ARHGEF1: variants seen among roughly 807,000 people sequenced by gnomAD.
The protein encoded by ARHGEF1 is Rho guanine nucleotide exchange factor 1.
In ARHGEF1, 40 loss-of-function variants were observed where a neutral mutation model predicts 119.7. The observed-to-expected ratio is 0.33, with a 90% CI of 0.26 to 0.44. The LOEUF is 0.44. ARHGEF1 is among the 20% of genes least tolerant of loss of function. The pLI is 1.00. For missense variants in ARHGEF1, 976 were observed against 1,268.3 expected, an observed-to-expected ratio of 0.77 and a Z score of 3.50; for synonymous variants, 494 against 521.0, an observed-to-expected ratio of 0.95 and a Z score of 0.71.
rs1328244776 is a variant in ARHGEF1, at chr19:41,904,677, C to A, written c.2162-272C>A. ...TACTACTAGGAAGTTGCACCAGGGCCACAAACACTGGAAGCGGCTGGAGGG... is the reference window on the plus strand; with the variant it reads ...TACTACTAGGAAGTTGCACCAGGGCAACAAACACTGGAAGCGGCTGGAGGG... On this transcript the variant is annotated intron_variant, in intron 22 of 28. Transcript: ENST00000354532. The surrounding 1 kb of genome is among the most constrained non-coding windows in gnomAD (Gnocchi z 8.4). Among the ~76,000 whole-genome samples, 1 of 152,094 alleles carries A rather than the reference C, an allele frequency of 6.6e-6. No individual in the cohort carries two copies. Among genetic ancestry groups the A allele is most frequent in the Non-Finnish European group, 1.5e-5 (1 of 68,016 alleles).
chr19:41,896,434 A>T lies in ARHGEF1; in HGVS notation c.1073A>T (p.Glu358Val). 3 of 1,475,196 alleles carry T rather than the reference A, an allele frequency of 2.0e-6. No individual in the cohort carries two copies. Among genetic ancestry groups the T allele is most frequent in the African/African-American group, 2.8e-5 (2 of 70,220 alleles). The allele number at this position is 1,475,196 out of a possible 1,614,324, so 91.4% of individuals were successfully genotyped here. A position where few individuals can be genotyped will look rare whatever the true frequency, so the allele number is the denominator to read the frequency against. ...DSSPQGPMSL[E>V]SLAPPESTDE... ...TCCCCGCAGGGCCCAATGAGCCTGG[A>T]GTCCTTGGCGCCCCCAGAGAGTACC... The change falls in exon 13 of 29, where the codon GAG becomes GTG. Residue 358 changes from glutamate (E) to valine (V), a missense_variant. Glu to Val is a moderately radical substitution (Grantham distance 121, BLOSUM62 -2). Around this residue, in one of 3 missense-constraint regions of ARHGEF1, gnomAD observed 519 missense variants for 580.9 expected, o/e 0.89. Coordinates refer to ENST00000354532, the MANE Select transcript of ARHGEF1 (RefSeq NM_004706.4).
downstream of ARHGEF1, chr19:41,910,151 C>T: frequency 6.6e-7 from 1 of 1,525,360 alleles, no homozygotes. This position sits in a 1 kb window ranked among gnomAD's most constrained non-coding sequence, Gnocchi z 4.4. Context: ...GTCCAGGGCT[C>T]TGGGTCCTGC....
chr19:41,906,448 C>A lies in ARHGEF1; in HGVS notation c.2492-9C>A. ...TCTCCTGACTCCACCCCTCCTTGCC[C>A]CTGGCCAGTGCTGTCCCTGAAGCAG... On this transcript the variant is annotated splice_polypyrimidine_tract_variant and intron_variant, in intron 26 of 28. Transcript: ENST00000354532. The surrounding 1 kb of genome is among the most constrained non-coding windows in gnomAD (Gnocchi z 4.5). The A allele has an allele frequency of 6.4e-7, 1 of 1,551,792 alleles. No homozygotes were observed. The highest frequency in any genetic ancestry group is 1.2e-5 in the South Asian group (1 of 81,570).
Position 41,906,491 on chromosome 19 carries a change from G to A in ARHGEF1, c.2526G>A (p.Glu842=), listed in dbSNP as rs781987216. 6.3e-7 allele frequency: 1 copy of A among 1,579,246 alleles called. No individual in the cohort carries two copies. Among genetic ancestry groups the A allele is most frequent in the Non-Finnish European group, 8.5e-7 (1 of 1,170,066 alleles). The change falls in exon 27 of 29, where the codon GAG becomes GAA. Residue 842 remains glutamate (E), a synonymous_variant. Coordinates refer to ENST00000354532, the MANE Select transcript of ARHGEF1 (RefSeq NM_004706.4). The surrounding 1 kb of genome is among the most constrained non-coding windows in gnomAD (Gnocchi z 4.5). ...TGAAGCAGCTTCTGTTTCCGGCGGA[G>A]GAAGACAATGGGGCGGGGCCTCCTC... ...LSLKQLLFPA[E]EDNGAGPPRD... is the part of the protein sequence containing the mutation.
At position 41,888,007 on chromosome 19, in the gene ARHGEF1, A is replaced by G; in HGVS notation, c.-19-57A>G. 6.4e-7 allele frequency: 1 copy of G among 1,566,156 alleles called. No individual in the cohort carries two copies. Among genetic ancestry groups the G allele is most frequent in the Non-Finnish European group, 8.6e-7 (1 of 1,156,148 alleles). On this transcript the variant is annotated intron_variant, in intron 1 of 28. Coordinates refer to ENST00000354532, the MANE Select transcript of ARHGEF1 (RefSeq NM_004706.4). The surrounding 1 kb of genome is among the most constrained non-coding windows in gnomAD (Gnocchi z 5.1). ...CACCTGGGCCAGGAATCTGTGAGTA[A>G]CCACCCTGGGCCGCCTCCTCCCACC...
intron 1 of ARHGEF1, chr19:41,923,380 A>G: frequency 1.2e-5 from 4 of 347,774 alleles, no homozygotes; most frequent in South Asian, 8.8e-5. Context: ...AGAGCTGTAA[A>G]GACCCTGTAT....
At chr19:41,922,373 G>C (rs538802217), upstream of ARHGEF1, among the ~76,000 whole-genome samples, 1 of 152,326 alleles carries the variant, frequency 6.6e-6, no homozygotes, top group South Asian at 2.1e-4. Context: ...AAAGAGACAG[G>C]GTCAGAGGGC....
intron 14 of ARHGEF1, among the ~76,000 whole-genome samples, chr19:41,900,179 C>A (rs533506216): frequency 1.3e-5 from 2 of 152,126 alleles, no homozygotes; most frequent in South Asian, 2.1e-4. Context: ...ACTAAACATA[C>A]AAAAATTAGC....
chr19:41,888,666 C>A lies in ARHGEF1; in HGVS notation c.112-86C>A. On this transcript the variant is annotated intron_variant, in intron 3 of 28. Coordinates refer to ENST00000354532, the MANE Select transcript of ARHGEF1 (RefSeq NM_004706.4). This position sits in a 1 kb window ranked among gnomAD's most constrained non-coding sequence, Gnocchi z 5.1. ...CCAGGAGCTAACCCTGGCTTGGATCCCTTGTGAAGTGCCAGGAATGGGTAG... is the reference window on the plus strand; with the variant it reads ...CCAGGAGCTAACCCTGGCTTGGATCACTTGTGAAGTGCCAGGAATGGGTAG... 1 of 1,293,034 alleles carries A rather than the reference C, an allele frequency of 7.7e-7. No homozygotes were observed. Among genetic ancestry groups the A allele is most frequent in the Admixed American group, 1.9e-5 (1 of 53,224 alleles). 80.1% of individuals were successfully genotyped at this position (1,293,034 alleles called of 1,614,324 possible).
rs1410546075 is a variant in ARHGEF1 at position 41,883,685 on chromosome 19, C to T, written c.-20+396C>T. 2.0e-5 allele frequency among the ~76,000 whole-genome samples: 3 copies of T among 152,198 alleles called. No homozygotes were observed. The East Asian group carries it at 5.8e-4, about 29-fold the overall frequency. On this transcript the variant is annotated intron_variant, in intron 1 of 28. Transcript: ENST00000354532. This position sits in a 1 kb window ranked among gnomAD's most constrained non-coding sequence, Gnocchi z 7.6. ...ACTCGCACGTGCTTTCCGCAAAGCG[C>T]CATCCTCCAACCCCCGCATGCTTTA...
At chr19:41,920,404 ACACT>A (rs1255734284), upstream of ARHGEF1, among the ~76,000 whole-genome samples, 9 of 139,022 alleles carry the variant, frequency 6.5e-5, no homozygotes, top group Admixed American at 2.2e-4. Context: ...CAGATGTGAC[ACACT>A]CACAGACATG....
At chr19:41,907,003 C>A in intron 28 of ARHGEF1, 102 bp from the exon 29 acceptor site, 1 of 1,182,776 alleles carries the variant, frequency 8.5e-7, no homozygotes, top group Non-Finnish European at 1.1e-6. Context: ...CTCTCCCCAC[C>A]TCCCCTTCTC....
chr19:41,887,270 CAG>C (rs1422003684), intron 1 of ARHGEF1, among the ~76,000 whole-genome samples: 1 of 151,872 alleles, frequency 6.6e-6, no homozygotes, highest in Non-Finnish European at 1.5e-5. Context: ...AATCAGGAAA[CAG>C]GGTGAAAAGA....
At position 41,902,661 on chromosome 19, in the gene ARHGEF1, G is replaced by A; in HGVS notation, c.1623+3G>A. 6.2e-7 allele frequency: 1 copy of A among 1,614,216 alleles called. No individual in the cohort carries two copies. Among genetic ancestry groups the A allele is most frequent in the Non-Finnish European group, 8.5e-7 (1 of 1,180,028 alleles). ...CTCGGTTCTGTGCCTTCGTGCAGGT[G>A]AGGTGGGGTCTGGACTCCAGCTTCC... On this transcript the variant is annotated splice_donor_region_variant and intron_variant, in intron 17 of 28. Transcript: ENST00000354532. The surrounding 1 kb of genome is among the most constrained non-coding windows in gnomAD (Gnocchi z 6.5).
Position 41,892,088 on chromosome 19 carries a change from C to T in ARHGEF1, c.289C>T (p.Leu97=), listed in dbSNP as rs1555846293. 6 of 1,613,328 alleles carry T rather than the reference C, an allele frequency of 3.7e-6. No homozygotes were observed. The highest frequency in any genetic ancestry group is 5.1e-6 in the Non-Finnish European group (6 of 1,179,480). Reference sequence around the variant, plus strand: ...CCCCAAGGAGGCCAAGAAGGCCTTCCTGGACTTCTACCACAGCTTCCTGGA... The same window carrying T: ...CCCCAAGGAGGCCAAGAAGGCCTTCTTGGACTTCTACCACAGCTTCCTGGA... ...LGPKEAKKAF[L]DFYHSFLEKT... The change falls in exon 5 of 29, where the codon CTG becomes TTG. Residue 97 remains leucine (L), a synonymous_variant. Coordinates refer to ENST00000354532, the MANE Select transcript of ARHGEF1 (RefSeq NM_004706.4). The surrounding 1 kb of genome is among the most constrained non-coding windows in gnomAD (Gnocchi z 6.3).
At chr19:41,911,021 C>T (rs782343780), downstream of ARHGEF1, among the ~76,000 whole-genome samples, 2 of 152,188 alleles carry the variant, frequency 1.3e-5, no homozygotes, top group Non-Finnish European at 2.9e-5. Flanking sequence ...AAAGAACACA[C>T]TGTACGATGG....
At position 41,923,526 on chromosome 19, in the gene ARHGEF1, G is replaced by C. The variant is rs142318026; in HGVS notation, c.140+293G>C. ...GGCCAGAAACCAAGAGAGACAGAGAGACTCAGAATTAAGACAGGCAGACAT... is the reference window on the plus strand; with the variant it reads ...GGCCAGAAACCAAGAGAGACAGAGACACTCAGAATTAAGACAGGCAGACAT... On this transcript the variant is annotated intron_variant, in intron 1 of 2. Transcript: ENST00000594417. Among the ~76,000 whole-genome samples the C allele has an allele frequency of 1.1e-3, 165 of 148,118 alleles. 1 individual carries two copies. The highest frequency in any genetic ancestry group is 3.8e-3 in the African/African-American group (151 of 39,830).
rs1555851948 is a variant in ARHGEF1, at chr19:41,916,313, C to T, written c.1866-6779C>T. Among the ~76,000 whole-genome samples the T allele has an allele frequency of 6.6e-6, 1 of 152,014 alleles. No homozygotes were observed. On this transcript the variant is annotated intron_variant, in intron 18 of 20. Transcript: ENST00000599589. This position sits in a 1 kb window ranked among gnomAD's most constrained non-coding sequence, Gnocchi z 5.4. ...ACACACAGCACCACGTCCCACACAA[C>T]ACATCACACACACCAACAAAGCAAC...
In ARHGEF1 at chr19:41,913,844, G is replaced by A. The variant is rs568189641; in HGVS notation, c.1865+7041G>A. ...AATCCACTCCCTCTCACACCCCTCC[G>A]CAGACACACGCTGCCCTCGCGCTCC... is the stretch of plus-strand genomic sequence containing the variant. On this transcript the variant is annotated intron_variant, in intron 18 of 20. Coordinates refer to the ARHGEF1 transcript ENST00000599589. Among the ~76,000 whole-genome samples the A allele has an allele frequency of 4.0e-5, 4 of 99,788 alleles. No individual in the cohort carries two copies. In the East Asian group the frequency reaches 1.1e-3, roughly 27 times the overall value. The allele number at this position is 99,788 out of a possible 152,430, so 65.5% of individuals were successfully genotyped here. A position where few individuals can be genotyped will look rare whatever the true frequency, so the allele number is the denominator to read the frequency against.
Sources: gnomAD v4.1 joint callset for allele counts (sites outside exome capture counted in the v4.1 genomes callset) on GRCh38, gnomAD v4.1.1 for gene constraint, gnomAD v4.1.1 regional missense constraint, Gnocchi (gnomAD v3.1) non-coding constraint, MANE v1.5 for transcripts, NCBI Gene and HGNC (gene_info 2026-07-23, HGNC 2026-07-21) for gene names.